Variants in PDZRN3 observed in about 807,000 individuals in gnomAD.
PDZRN3 encodes the protein E3 ubiquitin-protein ligase PDZRN3.
In PDZRN3, 38 loss-of-function variants were observed where a neutral mutation model predicts 85.7. That is an observed-to-expected ratio of 0.44 (90% CI 0.34 to 0.58). The LOEUF (loss-of-function observed/expected upper bound fraction) is 0.58, where lower values mean the gene tolerates loss of function less well. PDZRN3 is among the 20% of genes least tolerant of loss of function. The pLI is 0.01. For missense variants in PDZRN3, 1,629 were observed against 1,506.4 expected (o/e 1.08, Z -1.35); for synonymous variants, 759 against 638.0 (o/e 1.19, Z -2.86).
At chr3:73,386,226 C>CTTTTTTTTTTTTTTTTTTTTTTTTTTTTT in intron 8 of PDZRN3, among the ~76,000 whole-genome samples, 1 of 90,730 alleles carries the variant, frequency 1.1e-5, no homozygotes, top group African/African-American at 4.1e-5. Flanking sequence ...CAAGATATCA[C>CTTTTTTTTTTTTTTTTTTTTTTTTTTTTT]TTTTTTTTTT....
At chr3:73,401,298 G>A (rs1701743909) in intron 4 of PDZRN3, among the ~76,000 whole-genome samples, 1 of 152,170 alleles carries the variant, frequency 6.6e-6, no homozygotes, top group South Asian at 2.1e-4. Context: ...ACGTGATTCA[G>A]CGTGACTGAT....
chr3:73,612,081 T>A (rs938551756), intron 1 of PDZRN3, among the ~76,000 whole-genome samples: 2 of 136,188 alleles, frequency 1.5e-5, no homozygotes, highest in Non-Finnish European at 2.9e-5. Context: ...TTGGGTAGTT[T>A]ATCATAACCC....
intron 3 of PDZRN3, among the ~76,000 whole-genome samples, chr3:73,454,754 T>C (rs915089589): frequency 1.1e-4 from 17 of 152,210 alleles, no homozygotes; most frequent in African/African-American, 3.6e-4. Flanking sequence ...TCAAAAAAGC[T>C]TGAAAAGTGT....
chr3:73,545,652 A>G (rs943581295), intron 3 of PDZRN3, among the ~76,000 whole-genome samples: 1 of 152,242 alleles, frequency 6.6e-6, no homozygotes, highest in Non-Finnish European at 1.5e-5. Flanking sequence ...TTCACAGGGT[A>G]CACTCCAGAA....
At position 73,624,798 on chromosome 3, in the gene PDZRN3, C is replaced by A; in HGVS notation, c.28G>T (p.Gly10Cys). Reference sequence around the variant, plus strand: ...CACTTCAGGTCCGGGTCCACGTCGCCGTCGAAGCGGTCCAGCTCGAAGCCC... The same window carrying A: ...CACTTCAGGTCCGGGTCCACGTCGCAGTCGAAGCGGTCCAGCTCGAAGCCC... The part of the protein sequence containing the change: MGFELDRFD[G>C]DVDPDLKCAL... The change falls in exon 1 of 10, where the codon GGC becomes TGC. Residue 10 changes from glycine to cysteine, a missense_variant. Gly to Cys is a radical substitution (Grantham distance 159). Transcript: ENST00000263666. 7.2e-7 allele frequency: 1 copy of A among 1,393,836 alleles called. No homozygotes were observed. Among genetic ancestry groups the A allele is most frequent in the Non-Finnish European group, 9.3e-7 (1 of 1,076,910 alleles). The allele number at this position is 1,393,836 out of a possible 1,614,324, so 86.3% of individuals were successfully genotyped here.
chr3:73,569,155 T>G, intron 3 of PDZRN3: 1 of 1,288,792 alleles, frequency 7.8e-7, no homozygotes, highest in Non-Finnish European at 1.0e-6. Context: ...CCTCACCTGG[T>G]TAATCATGTT....
At chr3:73,406,948 C>A (rs1005917166) in intron 3 of PDZRN3, among the ~76,000 whole-genome samples, 1 of 152,166 alleles carries the variant, frequency 6.6e-6, no homozygotes, top group Non-Finnish European at 1.5e-5. Context: ...CTGGGCAGCA[C>A]GCACCCATCC....
chr3:73,590,483 A>C (rs1382650339), intron 3 of PDZRN3, among the ~76,000 whole-genome samples: 1 of 152,152 alleles, frequency 6.6e-6, no homozygotes, highest in Non-Finnish European at 1.5e-5. Context: ...TACCAGAGGG[A>C]ATTAGTTCTC....
At chr3:73,452,366 G>T (rs1420416880) in intron 3 of PDZRN3, among the ~76,000 whole-genome samples, 4 of 152,180 alleles carry the variant, frequency 2.6e-5, no homozygotes, top group African/African-American at 9.6e-5. Flanking sequence ...CCACCAACAT[G>T]ATAATTATTT....
rs1217566303 is a variant in PDZRN3 at position 73,385,741 on chromosome 3, A to T, written c.1563T>A (p.Asp521Glu). Residue 521 changes from aspartate to glutamate, a missense_variant, in exon 9 of 10, where the codon GAT becomes GAA. Physicochemically the swap from Asp to Glu is conservative, Grantham distance 45. Coordinates refer to ENST00000263666, the MANE Select transcript of PDZRN3 (RefSeq NM_015009.3). ...WMDDDRNDFL[D>E]DLHMDMLEEQ... The stretch of plus-strand genomic sequence containing the variant: ...CCTCCAGCATGTCCATGTGCAGGTC[A>T]TCCAGAAAGTCGTTCCTGTCATCAT... The T allele has an allele frequency of 6.2e-7, 1 of 1,614,030 alleles. No individual in the cohort carries two copies. Among genetic ancestry groups the T allele is most frequent in the South Asian group, 1.1e-5 (1 of 91,068 alleles).
intron 3 of PDZRN3, among the ~76,000 whole-genome samples, chr3:73,515,456 G>GT (rs1559717638): frequency 6.6e-6 from 1 of 152,090 alleles, no homozygotes; most frequent in Non-Finnish European, 1.5e-5. Flanking sequence ...GATTACAGGC[G>GT]TGAGCCACCA....
At chr3:73,608,510 TC>T (rs1392926657) in intron 2 of PDZRN3, 87 bp downstream of exon 2, 2 of 843,506 alleles carry the variant, frequency 2.4e-6, no homozygotes, top group African/African-American at 3.4e-5. Context: ...GAGCAAAGTT[TC>T]CTGCTCCTCA....
chr3:73,624,836 A>C lies in PDZRN3; in HGVS notation c.-11T>G. 1 of 1,294,242 alleles carries C rather than the reference A, an allele frequency of 7.7e-7. No individual in the cohort carries two copies. Among genetic ancestry groups the C allele is most frequent in the South Asian group, 2.6e-5 (1 of 39,168 alleles). The allele number at this position is 1,294,242 out of a possible 1,614,324, so 80.2% of individuals were successfully genotyped here. ...CAGCTCGAAGCCCATGGTGGCGGCC[A>C]GGCCCCGGGGTCGCCGCCGGGCGGC... On this transcript the variant is annotated 5_prime_UTR_variant, in exon 1 of 10. Transcript: ENST00000263666.
intron 3 of PDZRN3, among the ~76,000 whole-genome samples, chr3:73,411,550 C>T (rs1431237770): frequency 6.6e-6 from 1 of 152,188 alleles, no homozygotes; most frequent in Non-Finnish European, 1.5e-5. Flanking sequence ...CGCAGAAGTG[C>T]TCGTATGGGC....
intron 3 of PDZRN3, among the ~76,000 whole-genome samples, chr3:73,424,147 C>T (rs1702259130): frequency 6.6e-6 from 1 of 151,818 alleles, no homozygotes; most frequent in African/African-American, 2.4e-5. Flanking sequence ...AAACACATTT[C>T]CTAGCAAAGA....
chr3:73,538,924 A>G (rs1222694188), intron 3 of PDZRN3, among the ~76,000 whole-genome samples: 1 of 152,104 alleles, frequency 6.6e-6, no homozygotes, highest in Non-Finnish European at 1.5e-5. Flanking sequence ...TCCTTAATCT[A>G]GTTGCTTATA....
intron 3 of PDZRN3, among the ~76,000 whole-genome samples, chr3:73,437,803 C>T (rs1457066005): frequency 6.6e-6 from 1 of 151,952 alleles, no homozygotes; most frequent in East Asian, 1.9e-4. Flanking sequence ...ATGTTGCTTT[C>T]CTATAGTAAG....
chr3:73,588,366 C>T (rs554384049), intron 3 of PDZRN3, among the ~76,000 whole-genome samples: 9 of 152,294 alleles, frequency 5.9e-5, no homozygotes, highest in South Asian at 2.1e-4. Flanking sequence ...CACATCTTTA[C>T]TATTGTAAAC....
chr3:73,588,554 C>T (rs1246311736), intron 3 of PDZRN3, among the ~76,000 whole-genome samples: 2 of 152,156 alleles, frequency 1.3e-5, no homozygotes, highest in African/African-American at 4.8e-5. Flanking sequence ...TGTTTCCCAC[C>T]ACTGTCCTGA....
Sources: allele counts gnomAD v4.1 joint callset (sites outside exome capture counted in the v4.1 genomes callset), GRCh38; gene constraint gnomAD v4.1.1; transcripts MANE v1.5; gene names NCBI Gene and HGNC (gene_info 2026-07-23, HGNC 2026-07-21).